The following SLC26A5 variants were observed in gnomAD, a reference collection of about 807,000 sequenced individuals.
The protein encoded by SLC26A5 is solute carrier family 26 member 5.
SLC26A5 carries 51 observed loss-of-function variants against 81.0 expected under a neutral mutation model. The observed-to-expected ratio is 0.63, with a 90% CI of 0.50 to 0.80. The LOEUF (loss-of-function observed/expected upper bound fraction) is 0.80, where lower values mean the gene tolerates loss of function less well. Ranked by LOEUF, SLC26A5 falls within the 30% of genes least tolerant of loss-of-function variation. The pLI is 0.00. For missense variants in SLC26A5, 771 were observed against 905.8 expected (o/e 0.85, Z 1.91); for synonymous variants, 325 against 332.8 (o/e 0.98, Z 0.25).
chr7:103,391,637 G>T lies in SLC26A5; in HGVS notation c.1218C>A (p.Thr406=), dbSNP rs199803319. The T allele has an allele frequency of 2.5e-6, 4 of 1,613,798 alleles. No individual in the cohort carries two copies. Among genetic ancestry groups the T allele is most frequent in the African/African-American group, 2.7e-5 (2 of 74,884 alleles). ...ATGTACATACCTGTGTCTTCCCACCGGTTCCCTCCTGAACAAGGCTTCGAG... is the reference window on the plus strand; with the variant it reads ...ATGTACATACCTGTGTCTTCCCACCTGTTCCCTCCTGAACAAGGCTTCGAG... The part of the protein sequence containing the change: ...SLSRSLVQEG[T]GGKTQLAGCL... The change falls in exon 11 of 20, where the codon ACC becomes ACA. Residue 406 remains threonine, a synonymous_variant. Coordinates refer to ENST00000306312, the MANE Select transcript of SLC26A5 (RefSeq NM_198999.3).
chr7:103,375,683 C>T (rs1290984787), intron 19 of SLC26A5, among the ~76,000 whole-genome samples: 1 of 152,128 alleles, frequency 6.6e-6, no homozygotes, highest in Non-Finnish European at 1.5e-5. Context: ...ATCCTCCTAC[C>T]TTGGCCTCCC....
chr7:103,379,161 T>C (rs1484998705), intron 16 of SLC26A5, 82 bp downstream of exon 16: 9 of 918,912 alleles, frequency 9.8e-6, no homozygotes, highest in African/African-American at 1.6e-5. Context: ...AAATAGTATA[T>C]ACAAAGGTAT....
At chr7:103,363,243 T>A in intron 19 of SLC26A5, 1 of 886,298 alleles carries the variant, frequency 1.1e-6, no homozygotes, top group Admixed American at 2.5e-5. Flanking sequence ...AAATTCTCAC[T>A]TGTGAGTTTT....
Position 103,380,499 on chromosome 7 carries a change from T to C in SLC26A5, c.1565A>G (p.Asp522Gly), listed in dbSNP as rs1821687665. Residue 522 changes from aspartate (D) to glycine (G), a missense_variant, in exon 15 of 20, where the codon GAT becomes GGT. Physicochemically the swap from Asp to Gly is moderately conservative, Grantham distance 94. Transcript: ENST00000306312. Reference protein sequence around the residue: ...GKLPETDVYIDIDAYEEVKEI... With the variant: ...GKLPETDVYIGIDAYEEVKEI... Reference sequence around the variant, plus strand: ...TCCTACCTCCTCATATGCGTCTATATCAATATACACATCAGTTTCAGGAAG... The same window carrying C: ...TCCTACCTCCTCATATGCGTCTATACCAATATACACATCAGTTTCAGGAAG... The C allele has an allele frequency of 3.1e-6, 5 of 1,613,546 alleles. No homozygotes were observed. Among genetic ancestry groups the C allele is most frequent in the Admixed American group, 1.7e-5 (1 of 59,968 alleles).
rs1009753473 is a variant in SLC26A5, at chr7:103,416,770, A to T, written c.293-3658T>A. ...CTCTCTCATTTTCTTCCTCCTTGCTAGTTTATACCATTTCCCCCTCTTTTA... is the reference window on the plus strand; with the variant it reads ...CTCTCTCATTTTCTTCCTCCTTGCTTGTTTATACCATTTCCCCCTCTTTTA... On this transcript the variant is annotated intron_variant, in intron 4 of 19. Transcript: ENST00000306312. Among the ~76,000 whole-genome samples the T allele has an allele frequency of 3.9e-5, 6 of 151,912 alleles. 1 individual carries two copies. Among genetic ancestry groups the T allele is most frequent in the Admixed American group, 1.3e-4 (2 of 15,244 alleles).
intron 14 of SLC26A5, among the ~76,000 whole-genome samples, chr7:103,385,049 T>G (rs543650495): frequency 6.6e-6 from 1 of 152,316 alleles, no homozygotes; most frequent in Non-Finnish European, 1.5e-5. Flanking sequence ...TTTATAATGC[T>G]AACCAAATTG....
chr7:103,356,536 G>T (rs1820042175), intron 19 of SLC26A5, among the ~76,000 whole-genome samples: 1 of 152,174 alleles, frequency 6.6e-6, no homozygotes, highest in Admixed American at 6.5e-5. Context: ...GCCATTTGAG[G>T]GAAAATAATT....
intron 8 of SLC26A5, among the ~76,000 whole-genome samples, chr7:103,405,400 A>G (rs1404640152): frequency 2.0e-5 from 3 of 152,038 alleles, no homozygotes; most frequent in African/African-American, 7.2e-5. Flanking sequence ...TGTTGATGCT[A>G]TTCCTTTCTG....
intron 4 of SLC26A5, among the ~76,000 whole-genome samples, chr7:103,420,289 C>CTTTTTTTTTTTTTT (rs35755959): frequency 3.3e-5 from 3 of 90,578 alleles, no homozygotes; most frequent in Non-Finnish European, 6.3e-5. Flanking sequence ...ATCCCTGGAG[C>CTTTTTTTTTTTTTT]TTTTTTTTTT....
chr7:103,368,256 C>G, intron 19 of SLC26A5: 1 of 546,910 alleles, frequency 1.8e-6, no homozygotes, highest in Non-Finnish European at 3.0e-6. Context: ...TTTTTTTGAC[C>G]CACACCCGTT....
chr7:103,430,148 G>A (rs141430521), intron 2 of SLC26A5, among the ~76,000 whole-genome samples: 3,759 of 147,758 alleles, frequency 0.025, 157 homozygotes, highest in African/African-American at 0.088. Flanking sequence ...GTGTGATCTC[G>A]GCTCACTGCA....
At chr7:103,416,985 C>T (rs1019410636) in intron 4 of SLC26A5, among the ~76,000 whole-genome samples, 2 of 152,040 alleles carry the variant, frequency 1.3e-5, no homozygotes, top group Admixed American at 1.3e-4. Flanking sequence ...TAATAATGAG[C>T]AGAAAAATAC....
At chr7:103,380,834 C>T (rs1308929088) in intron 14 of SLC26A5, among the ~76,000 whole-genome samples, 1 of 151,560 alleles carries the variant, frequency 6.6e-6, no homozygotes, top group Non-Finnish European at 1.5e-5. Context: ...ACTACACATA[C>T]ACATCCCAAT....
intron 7 of SLC26A5, among the ~76,000 whole-genome samples, chr7:103,408,675 C>A (rs558024145): frequency 6.6e-5 from 10 of 152,252 alleles, no homozygotes; most frequent in Non-Finnish European, 1.3e-4. Flanking sequence ...AAGGTAAATA[C>A]ATTGAAAAGC....
intron 14 of SLC26A5, 142 bp from the exon 15 acceptor site, chr7:103,380,691 G>A: frequency 1.4e-6 from 1 of 732,322 alleles, no homozygotes; most frequent in Non-Finnish European, 2.4e-6. Flanking sequence ...TTGCAGAAGG[G>A]CTCCACACAT....
At position 103,390,468 on chromosome 7, in the gene SLC26A5, G is replaced by C; in HGVS notation, c.1272C>G (p.Val424=). 4 of 1,614,162 alleles carry C rather than the reference G, an allele frequency of 2.5e-6. No homozygotes were observed. The highest frequency in any genetic ancestry group is 3.4e-6 in the Non-Finnish European group (4 of 1,180,028). ...CAAAGAGGAATCCAGTTGCTAATAT[G>C]ACCAGCAGAATCATTAATGAGGCCA... ...GCLASLMILL[V]ILATGFLFES... is the part of the protein sequence containing the mutation. The change falls in exon 12 of 20, where the codon GTC becomes GTG. Residue 424 remains valine (V), a synonymous_variant. Transcript: ENST00000306312.
intron 2 of SLC26A5, 25 bp from the exon 3 acceptor site, chr7:103,421,592 T>C (rs905740005): frequency 6.7e-7 from 1 of 1,484,228 alleles, no homozygotes; most frequent in South Asian, 1.1e-5. Flanking sequence ...AAAAACTCCA[T>C]TTTACTTGCC....
chr7:103,429,649 C>T (rs1384507982), intron 2 of SLC26A5, among the ~76,000 whole-genome samples: 1 of 152,214 alleles, frequency 6.6e-6, no homozygotes, highest in Non-Finnish European at 1.5e-5. Flanking sequence ...TATTAACTAT[C>T]ATTGATTAAT....
chr7:103,371,491 AT>A (rs540938212), downstream of SLC26A5, among the ~76,000 whole-genome samples: 47 of 149,628 alleles, frequency 3.1e-4, no homozygotes, highest in East Asian at 1.2e-3. Flanking sequence ...CGCCCGGCTA[AT>A]TTTTTTGTAT....
Sources: allele counts gnomAD v4.1 joint callset (sites outside exome capture counted in the v4.1 genomes callset), GRCh38; gene constraint gnomAD v4.1.1; transcripts MANE v1.5; gene names NCBI Gene and HGNC (gene_info 2026-07-23, HGNC 2026-07-21).